The following ROBO2 variants were observed in gnomAD, a reference collection of about 807,000 sequenced individuals.
ROBO2 encodes the protein roundabout homolog 2.
Under a neutral mutation model 160.8 loss-of-function variants are expected in ROBO2, and 53 were observed. The ratio of observed to expected loss-of-function variants is 0.33; its 90% CI spans 0.26 to 0.41. The LOEUF is 0.41. Among genes scored for constraint, ROBO2 ranks in the 10% least tolerant of loss-of-function variants. The pLI, the probability that ROBO2 is intolerant of heterozygous loss-of-function variation, is 1.00. For missense variants in ROBO2, 1,577 were observed against 1,722.4 expected (o/e 0.92, Z 1.49); for synonymous variants, 664 against 611.7 (o/e 1.09, Z -1.26).
intron 2 of ROBO2, among the ~76,000 whole-genome samples, chr3:76,914,263 A>G (rs1044093426): frequency 3.3e-5 from 5 of 152,164 alleles, no homozygotes; most frequent in Admixed American, 6.5e-5. Context: ...TACCAAGGTT[A>G]TCAGCATTAC....
At chr3:77,480,698 T>G (rs2084584949) in intron 3 of ROBO2, among the ~76,000 whole-genome samples, 1 of 152,128 alleles carries the variant, frequency 6.6e-6, no homozygotes, top group African/African-American at 2.4e-5. Context: ...TATATATACT[T>G]TCTGAATCCC....
chr3:76,155,255 C>T (rs946965252), intron 2 of ROBO2, among the ~76,000 whole-genome samples: 1 of 152,054 alleles, frequency 6.6e-6, no homozygotes, highest in Non-Finnish European at 1.5e-5. Flanking sequence ...ACATTATGTG[C>T]CTACTGATGA....
chr3:76,984,695 TA>T (rs1428375514), intron 2 of ROBO2, among the ~76,000 whole-genome samples: 1 of 151,954 alleles, frequency 6.6e-6, no homozygotes, highest in Non-Finnish European at 1.5e-5. Flanking sequence ...AAGAGGAGGA[TA>T]AAAGTCTGAC....
intron 2 of ROBO2, among the ~76,000 whole-genome samples, chr3:76,374,890 C>A (rs2076267097): frequency 6.6e-6 from 1 of 151,598 alleles, no homozygotes; most frequent in African/African-American, 2.4e-5. Flanking sequence ...AAAGCATTCA[C>A]CATACTTTTA....
At chr3:76,555,363 GAAGA>G (rs2083661132) in intron 2 of ROBO2, among the ~76,000 whole-genome samples, 1 of 35,330 alleles carries the variant, frequency 2.8e-5, no homozygotes, top group Non-Finnish European at 8.2e-5. Context: ...GAAGAGAGAA[GAAGA>G]AGAAGAAGAA....
chr3:76,747,844 A>G (rs942411561), intron 2 of ROBO2, among the ~76,000 whole-genome samples: 2 of 152,056 alleles, frequency 1.3e-5, no homozygotes, highest in African/African-American at 4.8e-5. Context: ...ACATACTTAC[A>G]TCTAGTTTTA....
intron 2 of ROBO2, among the ~76,000 whole-genome samples, chr3:77,270,344 A>C (rs373376289): frequency 8.9e-4 from 135 of 152,138 alleles, no homozygotes; most frequent in African/African-American, 3.2e-3. Flanking sequence ...CAATGAGAAA[A>C]CTCTGTGTAT....
intron 2 of ROBO2, among the ~76,000 whole-genome samples, chr3:77,414,805 G>A (rs4484175): frequency 6.6e-6 from 1 of 152,208 alleles, no homozygotes; most frequent in Non-Finnish European, 1.5e-5. Context: ...AAGAAACAAT[G>A]AATTATGCTG....
intron 2 of ROBO2, among the ~76,000 whole-genome samples, chr3:77,305,043 G>A (rs755461047): frequency 3.3e-5 from 5 of 152,106 alleles, no homozygotes; most frequent in Admixed American, 1.3e-4. Context: ...ACCCCTTTGG[G>A]AATATTTATT....
chr3:76,194,246 C>G lies in ROBO2; in HGVS notation c.109+256644C>G, dbSNP rs143283209. Among the ~76,000 whole-genome samples, 344 of 149,732 alleles carry G rather than the reference C, an allele frequency of 2.3e-3. 1 individual carries two copies. Among genetic ancestry groups the G allele is most frequent in the African/African-American group, 8.2e-3 (334 of 40,966 alleles). On this transcript the variant is annotated intron_variant, in intron 2 of 26. Coordinates refer to the ROBO2 transcript ENST00000487694. ...TCCTGTTTTGCTTAAAGAATATTTT[C>G]CTAATTTCATTATTGTTTAGCACAT...
chr3:77,040,074 C>T (rs1400763355), exon 1 of ROBO2: 3 of 876,938 alleles, frequency 3.4e-6, no homozygotes, highest in South Asian at 5.3e-5. Context: ...CTCCCTCCCT[C>T]GCTCCTTCCC....
chr3:77,089,216 C>T (rs1302410324), intron 1 of ROBO2, among the ~76,000 whole-genome samples: 1 of 152,132 alleles, frequency 6.6e-6, no homozygotes. Flanking sequence ...GAAAACAGAG[C>T]TTGGACCCAC....
chr3:77,000,898 A>G (rs2061303314), intron 2 of ROBO2, among the ~76,000 whole-genome samples: 1 of 152,196 alleles, frequency 6.6e-6, no homozygotes, highest in African/African-American at 2.4e-5. Context: ...TAAAATCTGA[A>G]TAATAAAATG....
intron 2 of ROBO2, among the ~76,000 whole-genome samples, chr3:76,737,528 A>G (rs2093733553): frequency 6.6e-6 from 1 of 152,214 alleles, no homozygotes; most frequent in Admixed American, 6.5e-5. Flanking sequence ...GCTTTTATAA[A>G]TGCTGTAGTA....
chr3:77,171,438 G>A (rs905613503), intron 2 of ROBO2, among the ~76,000 whole-genome samples: 8 of 152,052 alleles, frequency 5.3e-5, no homozygotes, highest in African/African-American at 1.9e-4. Flanking sequence ...CTACTTGACA[G>A]TTAATATAAG....
At chr3:77,348,673 C>A (rs865841475) in intron 2 of ROBO2, among the ~76,000 whole-genome samples, 3 of 152,236 alleles carry the variant, frequency 2.0e-5, no homozygotes, top group Middle Eastern at 3.4e-3. Context: ...AGATTGCGTT[C>A]ATTTCCTTTG....
chr3:77,125,285 G>C (rs1035430820), intron 2 of ROBO2, among the ~76,000 whole-genome samples: 21 of 152,272 alleles, frequency 1.4e-4, no homozygotes, highest in South Asian at 8.3e-4. Context: ...CTGCTTCTAA[G>C]GGTGCTGTTT....
chr3:76,620,958 C>T (rs1287042153), intron 2 of ROBO2, among the ~76,000 whole-genome samples: 1 of 152,132 alleles, frequency 6.6e-6, no homozygotes, highest in African/African-American at 2.4e-5. Context: ...TCATTAGAAA[C>T]ATCATGTATA....
intron 17 of ROBO2, among the ~76,000 whole-genome samples, chr3:77,592,709 G>A (rs768868992): frequency 4.6e-5 from 7 of 151,890 alleles, no homozygotes; most frequent in South Asian, 4.2e-4. Context: ...TTGCCACTGC[G>A]CCCGGCTAAT....
Sources: gnomAD v4.1 joint callset for allele counts (sites outside exome capture counted in the v4.1 genomes callset) on GRCh38, gnomAD v4.1.1 for gene constraint, MANE v1.5 for transcripts, NCBI Gene and HGNC (gene_info 2026-07-23, HGNC 2026-07-21) for gene names.